The following ADAD2 variants were observed in gnomAD, a reference collection of about 807,000 sequenced individuals.
ADAD2 encodes the protein adenosine deaminase domain containing 2.
Under a neutral mutation model 54.5 loss-of-function variants are expected in ADAD2, and 60 were observed. The ratio of observed to expected loss-of-function variants is 1.10; its 90% CI spans 0.89 to 1.36. The LOEUF (loss-of-function observed/expected upper bound fraction) is 1.36, where lower values mean the gene tolerates loss of function less well. Ranked by LOEUF, ADAD2 falls within the 40% of genes most tolerant of loss-of-function variation. The pLI is 0.00. For synonymous variants in ADAD2, 543 were observed against 366.2 expected, an observed-to-expected ratio of 1.48 and a Z score of -5.51; for missense variants, 1,103 against 801.3, an observed-to-expected ratio of 1.38 and a Z score of -4.54.
rs541890322 is a variant in ADAD2 at position 84,194,318 on chromosome 16, G to C, written c.419-124G>C. On this transcript the variant is annotated intron_variant, in intron 1 of 9. Transcript: ENST00000315906. ...GGCGATGGAGCCTGCTGGAGGAAGG[G>C]AAGGGTGGTGAGGGTCTCATTATTC... 4 of 1,544,798 alleles carry C rather than the reference G, an allele frequency of 2.6e-6. No individual in the cohort carries two copies. The South Asian group carries it at 3.6e-5, about 14-fold the overall frequency.
Position 84,195,932 on chromosome 16 carries a change from C to T in ADAD2, c.1170C>T (p.His390=), listed in dbSNP as rs898224900. The change falls in exon 7 of 10, where the codon CAC becomes CAT. Residue 390 remains histidine, a synonymous_variant. Coordinates refer to ENST00000315906, the MANE Select transcript of ADAD2 (RefSeq NM_001145400.2). Reference sequence around the variant, plus strand: ...TGGCGCCCTCGCTCTGTGACACCCACGTGGGCTGCCTGTCAGCCAGTGACA... The same window carrying T: ...TGGCGCCCTCGCTCTGTGACACCCATGTGGGCTGCCTGTCAGCCAGTGACA... ...CYVAPSLCDT[H]VGCLSASDKL... The T allele has an allele frequency of 4.0e-5, 64 of 1,599,602 alleles. No individual in the cohort carries two copies. Among genetic ancestry groups the T allele is most frequent in the Non-Finnish European group, 4.9e-5 (58 of 1,179,618 alleles).
chr16:84,195,680 CGCG>C lies in ADAD2; in HGVS notation c.1038_1040del (p.Ala347del). The C allele has an allele frequency of 6.4e-7, 1 of 1,563,768 alleles. No homozygotes were observed. The highest frequency in any genetic ancestry group is 1.4e-5 in the African/African-American group (1 of 72,786). ...TCTACATCAGCAACACCCCCAAGGG[CGCG>C]GCCCGTGACATCTAGTATGCAGGGC... is the stretch of plus-strand genomic sequence containing the variant. On this transcript the variant is annotated inframe_deletion, in exon 6 of 10. Transcript: ENST00000315906.
intron 8 of ADAD2, 61 bp downstream of exon 8, chr16:84,196,431 T>C (rs1305269982): frequency 3.8e-6 from 6 of 1,569,022 alleles, no homozygotes; most frequent in Non-Finnish European, 4.3e-6. Flanking sequence ...GGCTCATGCA[T>C]GAGCTTCCTC....
intron 1 of ADAD2, chr16:84,194,016 C>A (rs2089691649): frequency 6.3e-7 from 1 of 1,584,140 alleles, no homozygotes; most frequent in South Asian, 1.1e-5. Flanking sequence ...GAAAAGTGTT[C>A]AAATATAGAG....
chr16:84,195,496 G>A (rs761624474), intron 5 of ADAD2, 34 bp from the exon 6 acceptor site: 2 of 1,604,684 alleles, frequency 1.2e-6, no homozygotes, highest in Admixed American at 3.3e-5. Context: ...CCAGGACAAG[G>A]TCTTCCCAAC....
rs557283367 is a variant in ADAD2 at position 84,191,262 on chromosome 16, A to G, written c.32A>G (p.Asp11Gly). ...TCGGCTTCTCAGGGCGCTGACGACG[A>G]CGGCAGTCGTAGGAAGCCCCGCCTG... MASASQGADDDGSRRKPRLAA... is the reference protein window; with the variant it reads MASASQGADDGGSRRKPRLAA... Residue 11 changes from aspartate (D) to glycine (G), a missense_variant, in exon 1 of 10, where the codon GAC becomes GGC. Physicochemically the swap from Asp to Gly is moderately conservative, Grantham distance 94. Coordinates refer to ENST00000315906, the MANE Select transcript of ADAD2 (RefSeq NM_001145400.2). 2.0e-5 allele frequency: 32 copies of G among 1,605,452 alleles called. No individual in the cohort carries two copies. Among genetic ancestry groups the G allele is most frequent in the Non-Finnish European group, 2.7e-5 (32 of 1,176,994 alleles).
intron 4 of ADAD2, 36 bp from the exon 5 acceptor site, chr16:84,195,260 C>T (rs762166348): frequency 6.2e-7 from 1 of 1,611,920 alleles, no homozygotes; most frequent in Non-Finnish European, 8.5e-7. Flanking sequence ...AAGCTCCTTG[C>T]CTTAGGCTGG....
Position 84,197,088 on chromosome 16 carries a change from C to A in ADAD2, c.*114C>A. On this transcript the variant is annotated 3_prime_UTR_variant, in exon 10 of 10. Transcript: ENST00000315906. ...TGGGTTGTGCGGGGTGAAACTGGGGCTGGAGGGAAGGAGGAGCCTGCTGTG... is the reference window on the plus strand; with the variant it reads ...TGGGTTGTGCGGGGTGAAACTGGGGATGGAGGGAAGGAGGAGCCTGCTGTG... The A allele has an allele frequency of 9.1e-7, 1 of 1,101,664 alleles. No homozygotes were observed. The highest frequency in any genetic ancestry group is 1.3e-6 in the Non-Finnish European group (1 of 767,294). 68.2% of individuals were successfully genotyped at this position (1,101,664 alleles called of 1,614,324 possible).
chr16:84,193,152 G>A (rs1417896036), intron 1 of ADAD2: 1 of 152,106 alleles, frequency 6.6e-6, no homozygotes, highest in Admixed American at 6.6e-5. Flanking sequence ...TAAAAACAAG[G>A]GCATCTCTTA....
At chr16:84,192,511 T>C (rs2089668787) in intron 1 of ADAD2, 1 of 152,384 alleles carries the variant, frequency 6.6e-6, no homozygotes. Flanking sequence ...TACATTCACG[T>C]GTTTTTTGTT....
chr16:84,191,374 G>C lies in ADAD2; in HGVS notation c.144G>C (p.Ala48=), dbSNP rs2089649484. Residue 48 remains alanine (A), a synonymous_variant, in exon 1 of 10, where the codon GCG becomes GCC. Transcript: ENST00000315906. ...QAQSAWGPAP[A]PATYRAEGGW... ...AAAGTGCCTGGGGGCCCGCGCCCGC[G>C]CCCGCGACGTATCGCGCGGAGGGCG... is the stretch of plus-strand genomic sequence containing the variant. 2 of 1,527,658 alleles carry C rather than the reference G, an allele frequency of 1.3e-6. No individual in the cohort carries two copies. Among genetic ancestry groups the C allele is most frequent in the Non-Finnish European group, 1.8e-6 (2 of 1,142,556 alleles). The allele number at this position is 1,527,658 out of a possible 1,614,324, so 94.6% of individuals were successfully genotyped here. A position where few individuals can be genotyped will look rare whatever the true frequency, so the allele number is the denominator to read the frequency against.
Position 84,196,031 on chromosome 16 carries a change from C to A in ADAD2, c.1269C>A (p.Thr423=). The part of the protein sequence containing the change: ...LAHLVSPLYS[T]SLILADSCHD... ...ACCTGGTGTCCCCACTCTACAGCAC[C>A]AGCCTCATCCTGGGTGAGCACGTGG... Residue 423 remains threonine, a synonymous_variant, in exon 7 of 10, where the codon ACC becomes ACA. Transcript: ENST00000315906. 1.3e-6 allele frequency: 2 copies of A among 1,599,232 alleles called. No individual in the cohort carries two copies. The highest frequency in any genetic ancestry group is 1.7e-6 in the Non-Finnish European group (2 of 1,179,818).
rs2089650508 is a variant in ADAD2 at position 84,191,399 on chromosome 16, G to A, written c.169G>A (p.Gly57Arg). The change falls in exon 1 of 10, where the codon GGG becomes AGG. Residue 57 changes from glycine (G) to arginine (R), a missense_variant. Gly to Arg is a moderately radical substitution (Grantham distance 125). Coordinates refer to ENST00000315906, the MANE Select transcript of ADAD2 (RefSeq NM_001145400.2). Reference sequence around the variant, plus strand: ...GCCCGCGACGTATCGCGCGGAGGGCGGGTGGCCCCAGGTCTCGGTGTTGAG... The same window carrying A: ...GCCCGCGACGTATCGCGCGGAGGGCAGGTGGCCCCAGGTCTCGGTGTTGAG... ...PAPATYRAEG[G>R]WPQVSVLRDS... 2 of 1,498,044 alleles carry A rather than the reference G, an allele frequency of 1.3e-6. No homozygotes were observed. Among genetic ancestry groups the A allele is most frequent in the African/African-American group, 1.4e-5 (1 of 71,272 alleles). The allele number at this position is 1,498,044 out of a possible 1,614,324, so 92.8% of individuals were successfully genotyped here.
At chr16:84,194,276 T>G in intron 1 of ADAD2, 166 bp from the exon 2 acceptor site, 16 of 1,551,012 alleles carry the variant, frequency 1.0e-5, no homozygotes, top group Non-Finnish European at 1.4e-5. Context: ...CACTCAAGGG[T>G]GTGCGCGGCA....
At position 84,196,269 on chromosome 16, in the gene ADAD2, C is replaced by A. The variant is rs114625899; in HGVS notation, c.1425C>A (p.Ser475=). 5 of 1,612,716 alleles carry A rather than the reference C, an allele frequency of 3.1e-6. No homozygotes were observed. In the South Asian group the frequency reaches 5.5e-5, roughly 18 times the overall value. Residue 475 remains serine, a synonymous_variant, in exon 8 of 10, where the codon TCC becomes TCA. Transcript: ENST00000315906. The part of the protein sequence containing the change: ...HLFAGPPVAP[S]EPTPDTCRGL... ...TTGCAGGGCCCCCGGTGGCCCCTTC[C>A]GAACCCACCCCTGACACCTGCCGTG...
Position 84,191,378 on chromosome 16 carries a change from G to T in ADAD2, c.148G>T (p.Ala50Ser). Residue 50 changes from alanine to serine, a missense_variant, in exon 1 of 10, where the codon GCG becomes TCG. Coordinates refer to ENST00000315906, the MANE Select transcript of ADAD2 (RefSeq NM_001145400.2). ...TGCCTGGGGGCCCGCGCCCGCGCCC[G>T]CGACGTATCGCGCGGAGGGCGGGTG... Reference protein sequence around the residue: ...QSAWGPAPAPATYRAEGGWPQ... With the variant: ...QSAWGPAPAPSTYRAEGGWPQ... 1 of 1,515,954 alleles carries T rather than the reference G, an allele frequency of 6.6e-7. No individual in the cohort carries two copies. The highest frequency in any genetic ancestry group is 1.4e-5 in the African/African-American group (1 of 71,026). 93.9% of individuals were successfully genotyped at this position (1,515,954 alleles called of 1,614,324 possible).
At chr16:84,193,811 C>G (rs186408772) in intron 1 of ADAD2, 4 of 559,474 alleles carry the variant, frequency 7.1e-6, no homozygotes, top group East Asian at 2.9e-5. Context: ...GCAGACAGAT[C>G]TCAGCGCAGT....
In ADAD2 at chr16:84,196,370, A is replaced by C. The variant is rs781511543; in HGVS notation, c.1526A>C (p.Asn509Thr). Residue 509 changes from asparagine (N) to threonine (T), a missense_variant and splice_region_variant, in exon 8 of 10, where the codon AAT (asparagine) becomes ACT (threonine). Physicochemically the swap from Asn to Thr is moderately conservative, Grantham distance 65. Transcript: ENST00000315906. Reference protein sequence around the residue: ...VDVATGRVKANAALGPPSRLC... With the variant: ...VDVATGRVKATAALGPPSRLC... ...GTGGCCACCGGGCGTGTGAAGGCCA[A>C]GTGAGAAGGGCCCCCTGGGGCCGGG... 1.2e-6 allele frequency: 2 copies of C among 1,610,134 alleles called. No individual in the cohort carries two copies. Among genetic ancestry groups the C allele is most frequent in the South Asian group, 2.2e-5 (2 of 90,724 alleles).
rs1342743764 is a variant in ADAD2 at position 84,191,509 on chromosome 16, G to A, written c.279G>A (p.Lys93=). 3 of 1,543,838 alleles carry A rather than the reference G, an allele frequency of 1.9e-6. No homozygotes were observed. Among genetic ancestry groups the A allele is most frequent in the South Asian group, 2.4e-5 (2 of 83,952 alleles). The change falls in exon 1 of 10, where the codon AAG becomes AAA. Residue 93 remains lysine (K), a synonymous_variant. Coordinates refer to ENST00000315906, the MANE Select transcript of ADAD2 (RefSeq NM_001145400.2). ...AAAACTTGGGGGAACAGATGGGGAA[G>A]GCCCCGAGGGTCCCTGTGCCCCCAG... The part of the protein sequence containing the change: ...AWENLGEQMG[K]APRVPVPPAG...
Sources: allele counts gnomAD v4.1 joint callset, GRCh38; gene constraint gnomAD v4.1.1; transcripts MANE v1.5; gene names NCBI Gene and HGNC (gene_info 2026-07-23, HGNC 2026-07-21).